Variants in SCCPDH observed in about 807,000 individuals in gnomAD.
SCCPDH encodes the protein saccharopine dehydrogenase (putative).
In SCCPDH, 34 loss-of-function variants were observed where a neutral mutation model predicts 51.5. The observed-to-expected ratio is 0.66, with a 90% CI of 0.50 to 0.88. SCCPDH has a LOEUF of 0.88. Among genes scored for constraint, SCCPDH ranks in the 40% least tolerant of loss-of-function variants. SCCPDH has a pLI of 0.00. For missense variants in SCCPDH, 464 were observed against 527.1 expected (o/e 0.88, Z 1.17); for synonymous variants, 187 against 191.3 (o/e 0.98, Z 0.19).
chr1:246,740,699 A>T (rs1668662880), intron 4 of SCCPDH, among the ~76,000 whole-genome samples: 1 of 152,238 alleles, frequency 6.6e-6, no homozygotes, highest in South Asian at 2.1e-4. Flanking sequence ...ACAGAATTGG[A>T]GACACTTATT....
intron 5 of SCCPDH, among the ~76,000 whole-genome samples, chr1:246,745,873 C>G (rs1337528747): frequency 6.6e-6 from 1 of 152,000 alleles, no homozygotes; most frequent in Non-Finnish European, 1.5e-5. Context: ...CTTTGGGAGG[C>G]CGAGGCGGGC....
intron 2 of SCCPDH, among the ~76,000 whole-genome samples, chr1:246,733,491 T>TATAC (rs71566663): frequency 6.7e-6 from 1 of 148,942 alleles, no homozygotes; most frequent in East Asian, 2.0e-4. Context: ...TCATATTTTA[T>TATAC]ACACACACAC....
Position 246,758,333 on chromosome 1 carries a change from C to T in SCCPDH, c.672C>T (p.Leu224=), listed in dbSNP as rs1668961774. ...RNVSNLKPVP[L]IGPKLKRRWP... ...TATCAAATCTGAAACCTGTCCCGCT[C>T]ATTGGTCCAAAATTGAAGAGAAGGT... Residue 224 remains leucine (L), a synonymous_variant, in exon 6 of 12, where the codon CTC becomes CTT. Coordinates refer to ENST00000366510, the MANE Select transcript of SCCPDH (RefSeq NM_016002.3). 1.2e-6 allele frequency: 2 copies of T among 1,606,132 alleles called. No individual in the cohort carries two copies. The highest frequency in any genetic ancestry group is 1.7e-6 in the Non-Finnish European group (2 of 1,176,690).
At chr1:246,737,427 A>C (rs540974742) in intron 3 of SCCPDH, among the ~76,000 whole-genome samples, 1 of 152,110 alleles carries the variant, frequency 6.6e-6, no homozygotes, top group African/African-American at 2.4e-5. Context: ...GGCTGCAATG[A>C]GCTATGATCA....
chr1:246,764,409 T>A, intron 10 of SCCPDH, 52 bp downstream of exon 10: 1 of 948,712 alleles, frequency 1.1e-6, no homozygotes, highest in African/African-American at 1.6e-5. Context: ...TCTTAAGCTA[T>A]AAAGTACAAT....
chr1:246,767,149 TG>T, intron 11 of SCCPDH, 45 bp from the exon 12 acceptor site: 1 of 1,358,972 alleles, frequency 7.4e-7, no homozygotes, highest in Non-Finnish European at 1.0e-6. Context: ...AATAGGAGAC[TG>T]GAGAGGAGCT....
At chr1:246,759,535 C>T (rs1668981516) in intron 7 of SCCPDH, among the ~76,000 whole-genome samples, 1 of 152,050 alleles carries the variant, frequency 6.6e-6, no homozygotes, top group South Asian at 2.1e-4. Flanking sequence ...CTGCTTTTGG[C>T]GAGGAAAGTA....
intron 5 of SCCPDH, among the ~76,000 whole-genome samples, chr1:246,745,743 C>T (rs1668748703): frequency 6.6e-6 from 1 of 152,162 alleles, no homozygotes; most frequent in South Asian, 2.1e-4. Flanking sequence ...TTTGTGGTTA[C>T]ACAGACTCTT....
chr1:246,739,861 A>AT (rs987667899), intron 3 of SCCPDH, among the ~76,000 whole-genome samples: 111 of 146,002 alleles, frequency 7.6e-4, no homozygotes, highest in African/African-American at 2.1e-3. Context: ...GTTTGGGGTC[A>AT]TTTTTTTTTT....
At chr1:246,740,540 T>C (rs1306190636) in intron 4 of SCCPDH, among the ~76,000 whole-genome samples, 1 of 152,244 alleles carries the variant, frequency 6.6e-6, no homozygotes, top group East Asian at 1.9e-4. Flanking sequence ...CAGTATAGTT[T>C]GGGCTGTAAA....
Position 246,740,313 on chromosome 1 carries a change from T to G in SCCPDH, c.514+12T>G. 1 of 1,580,908 alleles carries G rather than the reference T, an allele frequency of 6.3e-7. No homozygotes were observed. Among genetic ancestry groups the G allele is most frequent in the Non-Finnish European group, 8.6e-7 (1 of 1,157,982 alleles). ...AAATAAAATGAATGGTAATTATTGA[T>G]CAATAAGCAATAATGGAATTTAACA... On this transcript the variant is annotated intron_variant, in intron 4 of 11. Coordinates refer to ENST00000366510, the MANE Select transcript of SCCPDH (RefSeq NM_016002.3).
At chr1:246,747,684 C>T (rs371245917) in intron 5 of SCCPDH, among the ~76,000 whole-genome samples, 5 of 112,132 alleles carry the variant, frequency 4.5e-5, no homozygotes, top group African/African-American at 1.4e-4. Context: ...TGTGTCATTC[C>T]CCTTTTGGCT....
rs752308777 is a variant in SCCPDH at position 246,724,617 on chromosome 1, A to G, written c.190+5A>G. 2 of 1,480,702 alleles carry G rather than the reference A, an allele frequency of 1.4e-6. No homozygotes were observed. The highest frequency in any genetic ancestry group is 2.6e-5 in the Admixed American group (1 of 38,666). 91.7% of individuals were successfully genotyped at this position (1,480,702 alleles called of 1,614,324 possible). A position where few individuals can be genotyped will look rare whatever the true frequency, so the allele number is the denominator to read the frequency against. On this transcript the variant is annotated splice_donor_5th_base_variant and intron_variant, in intron 1 of 11. Transcript: ENST00000366510. ...AGAAGGCGGCCCTGAAGCTGGGTAC[A>G]GCGGCGGGGCGGGACGGGGCTGCGC...
At chr1:246,758,151 A>G in intron 5 of SCCPDH, 75 bp from the exon 6 acceptor site, 1 of 1,079,912 alleles carries the variant, frequency 9.3e-7, no homozygotes, top group South Asian at 1.8e-5. Flanking sequence ...TGTTTGTAAC[A>G]ATGATAAGTT....
At chr1:246,755,831 A>T (rs145712715) in intron 5 of SCCPDH, 256 of 152,580 alleles carry the variant, frequency 1.7e-3, no homozygotes, top group African/African-American at 5.7e-3. Context: ...CTTTCCAGGC[A>T]TACTTGTCAT....
intron 9 of SCCPDH, among the ~76,000 whole-genome samples, chr1:246,762,221 C>G (rs1184254706): frequency 6.6e-6 from 1 of 152,102 alleles, no homozygotes; most frequent in Non-Finnish European, 1.5e-5. Flanking sequence ...GATTCATATC[C>G]AGAAAATATA....
Position 246,740,183 on chromosome 1 carries a change from A to C in SCCPDH, c.396A>C (p.Leu132=), listed in dbSNP as rs754020402. 9 of 1,585,884 alleles carry C rather than the reference A, an allele frequency of 5.7e-6. No individual in the cohort carries two copies. The Admixed American group carries it at 1.4e-4, about 24-fold the overall frequency. ...DISGEPQFLE[L]MQLKYHEKAA... is the part of the protein sequence containing the mutation. ...CCTGGATTTTTTAGTTTCTGGAACT[A>C]ATGCAACTGAAGTATCATGAGAAAG... The change falls in exon 4 of 12, where the codon CTA becomes CTC. Residue 132 remains leucine (L), a synonymous_variant. Coordinates refer to ENST00000366510, the MANE Select transcript of SCCPDH (RefSeq NM_016002.3).
intron 2 of SCCPDH, among the ~76,000 whole-genome samples, chr1:246,732,011 G>T (rs1330527778): frequency 2.0e-5 from 3 of 152,012 alleles, no homozygotes; most frequent in Admixed American, 6.6e-5. Flanking sequence ...ATGGTTTCCA[G>T]CTTCATCCAT....
intron 2 of SCCPDH, among the ~76,000 whole-genome samples, chr1:246,733,491 TACACACAC>T (rs57989437): frequency 2.7e-5 from 4 of 148,942 alleles, no homozygotes; most frequent in South Asian, 2.1e-4. Context: ...TCATATTTTA[TACACACAC>T]ACACACACAC....
Sources: gnomAD v4.1 joint callset for allele counts (sites outside exome capture counted in the v4.1 genomes callset) on GRCh38, gnomAD v4.1.1 for gene constraint, MANE v1.5 for transcripts, NCBI Gene and HGNC (gene_info 2026-07-23, HGNC 2026-07-21) for gene names.